NAP1L4: variants seen among roughly 807,000 people sequenced by gnomAD.
The protein encoded by NAP1L4 is nucleosome assembly protein 1-like 4.
NAP1L4 carries 15 observed loss-of-function variants against 58.2 expected under a neutral mutation model. The ratio of observed to expected loss-of-function variants is 0.26; its 90% CI spans 0.17 to 0.40. The LOEUF (loss-of-function observed/expected upper bound fraction) is 0.40, where lower values mean the gene tolerates loss of function less well. NAP1L4 is among the 10% of genes least tolerant of loss of function. The probability of loss-of-function intolerance (pLI) is 1.00; values close to 1 mark genes in which losing one functional copy is unlikely to be tolerated. For missense variants in NAP1L4, 384 were observed against 451.1 expected (o/e 0.85, Z 1.35); for synonymous variants, 171 against 155.6 (o/e 1.10, Z -0.74).
rs1445582588 is a variant in NAP1L4 at position 2,949,394 on chromosome 11, A to T, written c.1123-130T>A. 1 of 733,072 alleles carries T rather than the reference A, an allele frequency of 1.4e-6. No individual in the cohort carries two copies. Among genetic ancestry groups the T allele is most frequent in the Non-Finnish European group, 2.5e-6 (1 of 405,608 alleles). 45.4% of individuals were successfully genotyped at this position (733,072 alleles called of 1,614,324 possible). A position where few individuals can be genotyped will look rare whatever the true frequency, so the allele number is the denominator to read the frequency against. On this transcript the variant is annotated intron_variant, in intron 14 of 15. Coordinates refer to ENST00000380542, the MANE Select transcript of NAP1L4 (RefSeq NM_005969.4). This position sits in a 1 kb window ranked among gnomAD's most constrained non-coding sequence, Gnocchi z 4.0. ...CTGCAAGATACTGAACTCGGGGTGA[A>T]CAACTTCAACACTAGATCATACTTT...
chr11:2,966,980 T>A (rs967009528), intron 7 of NAP1L4, among the ~76,000 whole-genome samples: 1 of 152,214 alleles, frequency 6.6e-6, no homozygotes, highest in Non-Finnish European at 1.5e-5. Context: ...GGCACAACAC[T>A]GGAGGCATCG....
chr11:2,965,886 CGGGCACCATGGAAGAGT>C (rs1847248207), intron 7 of NAP1L4, among the ~76,000 whole-genome samples: 1 of 152,202 alleles, frequency 6.6e-6, no homozygotes, highest in Admixed American at 6.5e-5. Context: ...ATCCAACTTG[CGGGCACCATGGAAGAGT>C]GGGCATCATG....
intron 7 of NAP1L4, among the ~76,000 whole-genome samples, chr11:2,967,462 T>G (rs1162239608): frequency 2.0e-5 from 3 of 151,934 alleles, no homozygotes; most frequent in African/African-American, 7.3e-5. Flanking sequence ...AATAAAAAAA[T>G]TAGCCAGGCG....
At chr11:2,968,228 T>TA (rs1211998465) in intron 7 of NAP1L4, among the ~76,000 whole-genome samples, 1 of 152,166 alleles carries the variant, frequency 6.6e-6, no homozygotes, top group African/African-American at 2.4e-5. Flanking sequence ...GGGTGCACAT[T>TA]AGAGTTCCTA....
intron 1 of NAP1L4, chr11:2,990,407 C>T (rs1454111708): frequency 6.6e-6 from 1 of 152,170 alleles, no homozygotes; most frequent in African/African-American, 2.4e-5. Flanking sequence ...ATTCTATCAC[C>T]ACGTTGCTTT....
At chr11:2,977,623 C>T (rs1848043565) in intron 3 of NAP1L4, among the ~76,000 whole-genome samples, 1 of 152,112 alleles carries the variant, frequency 6.6e-6, no homozygotes, top group Non-Finnish European at 1.5e-5. Context: ...ACCAGGGAAA[C>T]AGGAGCATGA....
At chr11:2,961,340 G>A (rs1234754452) in intron 8 of NAP1L4, among the ~76,000 whole-genome samples, 1 of 152,050 alleles carries the variant, frequency 6.6e-6, no homozygotes, top group Non-Finnish European at 1.5e-5. Context: ...GCTCTCCACT[G>A]GCCTTGGCAA....
chr11:2,987,649 T>C (rs1037984445), intron 1 of NAP1L4, among the ~76,000 whole-genome samples: 34 of 144,282 alleles, frequency 2.4e-4, no homozygotes, highest in African/African-American at 8.3e-4. Flanking sequence ...CCCAGCTACT[T>C]GGGAGGCTGA....
At chr11:2,962,833 G>A (rs1005838739) in intron 8 of NAP1L4, among the ~76,000 whole-genome samples, 4 of 152,104 alleles carry the variant, frequency 2.6e-5, no homozygotes. Flanking sequence ...CGGGTGTGGT[G>A]GCTCATGCCT....
chr11:2,949,242 T>A lies in NAP1L4; in HGVS notation c.*17A>T, dbSNP rs764829488. ...TCCACCTTACCTAGAAACGTATGAA[T>A]GATTAACAGACAAAAATTACACCTA... On this transcript the variant is annotated 3_prime_UTR_variant, in exon 15 of 16. Transcript: ENST00000380542. The surrounding 1 kb of genome is among the most constrained non-coding windows in gnomAD (Gnocchi z 4.0). 1.2e-5 allele frequency: 19 copies of A among 1,599,892 alleles called. No individual in the cohort carries two copies. The Admixed American group carries it at 3.0e-4, about 25-fold the overall frequency.
At chr11:2,960,575 CA>C (rs986984959) in intron 8 of NAP1L4, among the ~76,000 whole-genome samples, 3 of 152,080 alleles carry the variant, frequency 2.0e-5, no homozygotes, top group African/African-American at 7.2e-5. Context: ...ACATGAACAC[CA>C]AAATGAGATG....
intron 4 of NAP1L4, among the ~76,000 whole-genome samples, chr11:2,972,990 AT>A (rs1320961663): frequency 6.6e-6 from 1 of 152,170 alleles, no homozygotes; most frequent in Non-Finnish European, 1.5e-5. Context: ...AAAAAAAAAA[AT>A]TTATCCTAAT....
Position 2,945,382 on chromosome 11 carries a change from G to C in NAP1L4, c.*297C>G, listed in dbSNP as rs1258561457. The C allele has an allele frequency of 1.9e-6, 1 of 526,746 alleles. No homozygotes were observed. Among genetic ancestry groups the C allele is most frequent in the African/African-American group, 1.9e-5 (1 of 51,612 alleles). 32.6% of individuals were successfully genotyped at this position (526,746 alleles called of 1,614,324 possible). A position where few individuals can be genotyped will look rare whatever the true frequency, so the allele number is the denominator to read the frequency against. ...GAGCTACAGGCACCAAGGCTGCAGA[G>C]GGTGCTGGACGAAACCTCCTATTTC... On this transcript the variant is annotated 3_prime_UTR_variant, in exon 16 of 16. Transcript: ENST00000380542.
intron 8 of NAP1L4, among the ~76,000 whole-genome samples, chr11:2,961,037 T>C (rs1846865287): frequency 1.3e-5 from 2 of 152,120 alleles, no homozygotes; most frequent in Admixed American, 1.3e-4. Flanking sequence ...CCTTGGTGGT[T>C]AATCTGTATC....
At position 2,976,066 on chromosome 11, in the gene NAP1L4, C is replaced by T. The variant is rs1391403314; in HGVS notation, c.131G>A (p.Arg44Gln). Residue 44 changes from arginine (R) to glutamine (Q), a missense_variant, in exon 4 of 16, where the codon CGA becomes CAA. Around this residue, in one of 3 missense-constraint regions of NAP1L4, gnomAD observed 84 missense variants for 73.7 expected, o/e 1.14. Transcript: ENST00000380542. ...AGGGGTGTGAGGGACATTGTCAAGT[C>T]GCTCCTGTAAAGCTGCCAGAACTCG... ...NPRVLAALQERLDNVPHTPSS... is the reference protein window; with the variant it reads ...NPRVLAALQEQLDNVPHTPSS... The T allele has an allele frequency of 5.6e-6, 9 of 1,614,004 alleles. No homozygotes were observed. In the East Asian group the frequency reaches 1.3e-4, roughly 24 times the overall value.
At chr11:2,958,273 T>C in intron 10 of NAP1L4, 126 bp downstream of exon 10, 1 of 947,784 alleles carries the variant, frequency 1.1e-6, no homozygotes, top group Non-Finnish European at 1.7e-6. Context: ...GACACAGCAA[T>C]GTGCCCCTAC....
intron 15 of NAP1L4, among the ~76,000 whole-genome samples, chr11:2,947,465 C>T (rs1845995940): frequency 6.6e-6 from 1 of 152,196 alleles, no homozygotes; most frequent in African/African-American, 2.4e-5. Flanking sequence ...AGGGCACAGC[C>T]CCCTCTGGGA....
chr11:2,963,161 GA>G (rs71035454), intron 8 of NAP1L4, among the ~76,000 whole-genome samples: 7 of 145,988 alleles, frequency 4.8e-5, no homozygotes, highest in African/African-American at 1.8e-4. Flanking sequence ...AAAAAGAAAG[GA>G]AAAAAAAAGG....
rs570328858 is a variant in NAP1L4, at chr11:2,951,059, T to C, written c.1122+200A>G. 1.8e-6 allele frequency: 1 copy of C among 556,182 alleles called. No homozygotes were observed. Among genetic ancestry groups the C allele is most frequent in the Non-Finnish European group, 3.2e-6 (1 of 315,416 alleles). 34.5% of individuals were successfully genotyped at this position (556,182 alleles called of 1,614,324 possible). On this transcript the variant is annotated intron_variant, in intron 14 of 15. Coordinates refer to ENST00000380542, the MANE Select transcript of NAP1L4 (RefSeq NM_005969.4). The surrounding 1 kb of genome is among the most constrained non-coding windows in gnomAD (Gnocchi z 4.0). ...AGCTTGAGACAGCTGGAAAAGCTTC[T>C]ACTGAGTATGTACACTCAACACTCA...
Sources: gnomAD v4.1 joint callset for allele counts (sites outside exome capture counted in the v4.1 genomes callset) on GRCh38, gnomAD v4.1.1 for gene constraint, gnomAD v4.1.1 regional missense constraint, Gnocchi (gnomAD v3.1) non-coding constraint, MANE v1.5 for transcripts, NCBI Gene and HGNC (gene_info 2026-07-23, HGNC 2026-07-21) for gene names.